CEP112: variants seen among roughly 807,000 people sequenced by gnomAD.
The protein encoded by CEP112 is centrosomal protein of 112 kDa.
A neutral mutation model predicts 153.0 loss-of-function variants in CEP112; 127 were observed. That is an observed-to-expected ratio of 0.83 (90% CI 0.72 to 0.96). The LOEUF (loss-of-function observed/expected upper bound fraction) is 0.96. Ranked by LOEUF, CEP112 falls within the 40% of genes least tolerant of loss-of-function variation. CEP112 has a pLI of 0.00. For synonymous variants in CEP112, 358 were observed against 374.4 expected, an observed-to-expected ratio of 0.96 and a Z score of 0.51; for missense variants, 1,089 against 1,101.2, an observed-to-expected ratio of 0.99 and a Z score of 0.16.
At chr17:65,845,714 GTTCT>G (rs2057704107) in intron 21 of CEP112, among the ~76,000 whole-genome samples, 1 of 152,046 alleles carries the variant, frequency 6.6e-6, no homozygotes, top group Admixed American at 6.6e-5. Flanking sequence ...ACTTAGTAAT[GTTCT>G]TTAATTTTTC....
At chr17:65,817,432 T>C (rs1276863369) in intron 21 of CEP112, among the ~76,000 whole-genome samples, 3 of 151,912 alleles carry the variant, frequency 2.0e-5, no homozygotes, top group Admixed American at 2.0e-4. Flanking sequence ...TAAATAACTT[T>C]CTTCTTTCCT....
intron 25 of CEP112, among the ~76,000 whole-genome samples, chr17:65,640,152 A>ATTT (rs1246755697): frequency 1.5e-5 from 1 of 68,684 alleles, no homozygotes; most frequent in East Asian, 8.0e-4. Context: ...ATATATATAT[A>ATTT]TATTTTTTTT....
At chr17:66,149,868 G>GTTTTGT (rs1568549079) in intron 4 of CEP112, among the ~76,000 whole-genome samples, 6 of 79,566 alleles carry the variant, frequency 7.5e-5, no homozygotes, top group Admixed American at 1.4e-4. Context: ...TAAATTTAGG[G>GTTTTGT]TTTTTTTTTT....
chr17:66,180,595 G>A (rs2072680852), intron 2 of CEP112, among the ~76,000 whole-genome samples: 1 of 152,004 alleles, frequency 6.6e-6, no homozygotes, highest in South Asian at 2.1e-4. Flanking sequence ...AAATAATTGA[G>A]CACTACTGAC....
At chr17:65,798,108 C>A (rs147173073) in intron 21 of CEP112, among the ~76,000 whole-genome samples, 1 of 152,066 alleles carries the variant, frequency 6.6e-6, no homozygotes, top group East Asian at 1.9e-4. Flanking sequence ...TTCTGGAATC[C>A]CACTGGTTTT....
chr17:65,953,259 T>C (rs1224428800), intron 18 of CEP112, among the ~76,000 whole-genome samples: 4 of 152,162 alleles, frequency 2.6e-5, no homozygotes, highest in Non-Finnish European at 4.4e-5. Flanking sequence ...TTTTAACTGT[T>C]TTATGAGAAC....
intron 11 of CEP112, among the ~76,000 whole-genome samples, chr17:66,056,213 C>A (rs959727386): frequency 1.3e-5 from 2 of 152,144 alleles, no homozygotes; most frequent in African/African-American, 4.8e-5. Context: ...TCGTCTTTAA[C>A]CATATAGTTG....
At chr17:65,985,543 A>T (rs921858569) in intron 17 of CEP112, among the ~76,000 whole-genome samples, 4 of 152,178 alleles carry the variant, frequency 2.6e-5, no homozygotes, top group Non-Finnish European at 5.9e-5. Context: ...TGGTGCCAGG[A>T]ATAATTTTTT....
intron 1 of CEP112, among the ~76,000 whole-genome samples, chr17:66,189,575 G>A (rs1318408918): frequency 2.0e-5 from 3 of 149,328 alleles, no homozygotes; most frequent in African/African-American, 7.4e-5. Flanking sequence ...CAATATTGAA[G>A]TATACATTTA....
At chr17:65,670,944 G>C (rs9908471) in intron 24 of CEP112, among the ~76,000 whole-genome samples, 3,211 of 151,572 alleles carry the variant, frequency 0.021, 126 homozygotes, top group African/African-American at 0.073. Context: ...GATAACTGGG[G>C]AATCAACTCA....
intron 17 of CEP112, among the ~76,000 whole-genome samples, chr17:65,999,212 T>C (rs1036325963): frequency 2.6e-5 from 4 of 151,178 alleles, no homozygotes; most frequent in Non-Finnish European, 5.9e-5. Flanking sequence ...TTTTTTTTTT[T>C]TTGAGACGGA....
intron 2 of CEP112, among the ~76,000 whole-genome samples, chr17:66,177,377 G>A (rs2072527855): frequency 6.6e-6 from 1 of 152,118 alleles, no homozygotes; most frequent in Non-Finnish European, 1.5e-5. Context: ...AAAGACAAAT[G>A]CAAAGAAATA....
intron 21 of CEP112, among the ~76,000 whole-genome samples, chr17:65,780,216 A>G (rs972741407): frequency 1.3e-5 from 2 of 152,130 alleles, no homozygotes; most frequent in Non-Finnish European, 2.9e-5. Flanking sequence ...TTACATGGCT[A>G]ACACCCATAA....
At chr17:65,826,598 G>C (rs998622910) in intron 21 of CEP112, 1 of 1,226,526 alleles carries the variant, frequency 8.2e-7, no homozygotes, top group African/African-American at 1.6e-5. Context: ...GGTCTCCCAG[G>C]GGCAGAAAAT....
chr17:65,853,621 C>T (rs114974728), intron 20 of CEP112, among the ~76,000 whole-genome samples: 45 of 151,700 alleles, frequency 3.0e-4, no homozygotes, highest in African/African-American at 7.7e-4. Context: ...CCCAGCTGCT[C>T]GGAAGGCGGA....
chr17:66,068,211 G>C (rs1011927561), intron 9 of CEP112, among the ~76,000 whole-genome samples: 1 of 152,036 alleles, frequency 6.6e-6, no homozygotes, highest in African/African-American at 2.4e-5. Flanking sequence ...TAATCAAGGG[G>C]AAAAAGGAAT....
At chr17:66,177,681 T>C (rs1467531513) in intron 2 of CEP112, among the ~76,000 whole-genome samples, 3 of 152,204 alleles carry the variant, frequency 2.0e-5, no homozygotes, top group South Asian at 2.1e-4. Context: ...ATTCACTCTA[T>C]GTTTTTGTAC....
intron 12 of CEP112, among the ~76,000 whole-genome samples, chr17:66,035,292 C>T (rs1598182028): frequency 6.6e-6 from 1 of 151,862 alleles, no homozygotes; most frequent in East Asian, 1.9e-4. Context: ...TGTTCATTGC[C>T]CTATTAAATG....
At chr17:65,839,119 A>G (rs1416687950) in intron 21 of CEP112, among the ~76,000 whole-genome samples, 1 of 152,158 alleles carries the variant, frequency 6.6e-6, no homozygotes, top group Non-Finnish European at 1.5e-5. Flanking sequence ...AAAAAAATGA[A>G]GAGGAGAGAA....
Sources: allele counts gnomAD v4.1 joint callset (sites outside exome capture counted in the v4.1 genomes callset), GRCh38; gene constraint gnomAD v4.1.1; transcripts MANE v1.5; gene names NCBI Gene and HGNC (gene_info 2026-07-23, HGNC 2026-07-21).